The following SPATA6 variants were observed in gnomAD, a reference collection of about 807,000 sequenced individuals.
SPATA6 encodes the protein spermatogenesis-associated protein 6.
A neutral mutation model predicts 65.3 loss-of-function variants in SPATA6; 56 were observed. The ratio of observed to expected loss-of-function variants is 0.86; its 90% CI spans 0.69 to 1.07. SPATA6 has a LOEUF of 1.07. Among genes scored for constraint, SPATA6 ranks in the 50% least tolerant of loss-of-function variants. The pLI, the probability that SPATA6 is intolerant of heterozygous loss-of-function variation, is 0.00. For missense variants in SPATA6, 590 were observed against 594.8 expected, an observed-to-expected ratio of 0.99 and a Z score of 0.08; for synonymous variants, 199 against 213.2, an observed-to-expected ratio of 0.93 and a Z score of 0.58.
intron 11 of SPATA6, among the ~76,000 whole-genome samples, chr1:48,339,449 C>T (rs1045138650): frequency 6.6e-6 from 1 of 151,814 alleles, no homozygotes; most frequent in African/African-American, 2.4e-5. Context: ...AAGCAGATCA[C>T]AAACAGAATC....
chr1:48,375,130 G>A (rs1358447058), intron 9 of SPATA6, among the ~76,000 whole-genome samples: 1 of 151,976 alleles, frequency 6.6e-6, no homozygotes, highest in Non-Finnish European at 1.5e-5. Context: ...CTCTCTTCAG[G>A]GATCTCTCTG....
intron 1 of SPATA6, among the ~76,000 whole-genome samples, chr1:48,470,054 G>C (rs2148213324): frequency 6.6e-6 from 1 of 152,076 alleles, no homozygotes; most frequent in African/African-American, 2.4e-5. Context: ...ATGTTTGTTG[G>C]GGAAAAATAT....
In SPATA6 at chr1:48,462,738, T is replaced by C. The variant is rs375301611; in HGVS notation, c.51+9220A>G. Among the ~76,000 whole-genome samples the C allele has an allele frequency of 5.9e-5, 9 of 152,230 alleles. No homozygotes were observed. In the East Asian group the frequency reaches 1.4e-3, roughly 23 times the overall value. On this transcript the variant is annotated intron_variant, in intron 1 of 12. Transcript: ENST00000371847. ...GACACAAAGGAAATAACAAACATAA[T>C]AACATAGAGACCTTGTTCACTAGCT...
intron 11 of SPATA6, among the ~76,000 whole-genome samples, chr1:48,342,593 G>A (rs984231565): frequency 6.7e-6 from 1 of 149,580 alleles, no homozygotes; most frequent in Admixed American, 6.6e-5. Context: ...TCCAGCCTGG[G>A]TGACAGAGCG....
chr1:48,376,326 C>A (rs1477084219), intron 9 of SPATA6, among the ~76,000 whole-genome samples: 1 of 152,084 alleles, frequency 6.6e-6, no homozygotes, highest in African/African-American at 2.4e-5. Flanking sequence ...TCTCCAAAGC[C>A]TAAACAAGAT....
At chr1:48,333,090 A>C (rs1189380265) in intron 11 of SPATA6, among the ~76,000 whole-genome samples, 5 of 152,174 alleles carry the variant, frequency 3.3e-5, no homozygotes, top group Admixed American at 6.5e-5. Context: ...AGAAGAGATT[A>C]ACATTTGAGT....
In SPATA6 at chr1:48,471,874, T is replaced by A; in HGVS notation, c.51+84A>T. On this transcript the variant is annotated intron_variant, in intron 1 of 12. Transcript: ENST00000371847. ...GGATGATTCGGAGGGTGAAGGAGGT[T>A]TGGGGGTGGTTCCGGGCTCTCGGAG... 18 of 1,478,610 alleles carry A rather than the reference T, an allele frequency of 1.2e-5. No homozygotes were observed. The South Asian group carries it at 2.0e-4, about 16-fold the overall frequency. The allele number at this position is 1,478,610 out of a possible 1,614,324, so 91.6% of individuals were successfully genotyped here. A position where few individuals can be genotyped will look rare whatever the true frequency, so the allele number is the denominator to read the frequency against.
chr1:48,411,786 A>G (rs1652259628), intron 4 of SPATA6, among the ~76,000 whole-genome samples, 198 bp from the exon 5 acceptor site: 1 of 152,216 alleles, frequency 6.6e-6, no homozygotes, highest in Non-Finnish European at 1.5e-5. Flanking sequence ...GAAACATACT[A>G]CAAAAATATG....
the SPATA6 span, among the ~76,000 whole-genome samples, chr1:48,264,332 A>G: frequency 6.6e-6 from 1 of 152,104 alleles, no homozygotes; most frequent in Non-Finnish European, 1.5e-5. Context: ...CTTGATCCCA[A>G]TTTCACCATA....
chr1:48,275,867 T>A, the SPATA6 span, among the ~76,000 whole-genome samples: 1 of 152,068 alleles, frequency 6.6e-6, no homozygotes, highest in African/African-American at 2.4e-5. Context: ...TATGGAGGAG[T>A]CCCTCTTTTT....
chr1:48,385,431 A>G, intron 8 of SPATA6, 82 bp from the exon 9 acceptor site: 1 of 1,228,922 alleles, frequency 8.1e-7, no homozygotes, highest in South Asian at 1.4e-5. Context: ...TTCTACAATT[A>G]TAATTCACTC....
chr1:48,405,828 C>T (rs563568300), intron 5 of SPATA6, among the ~76,000 whole-genome samples: 1 of 152,170 alleles, frequency 6.6e-6, no homozygotes, highest in East Asian at 1.9e-4. Context: ...AGGTTTAAAA[C>T]CACCAGTCTG....
chr1:48,459,428 T>A (rs1249128498), intron 1 of SPATA6, among the ~76,000 whole-genome samples: 5 of 152,122 alleles, frequency 3.3e-5, no homozygotes, highest in Non-Finnish European at 1.5e-5. Context: ...AAGTTTGATT[T>A]ACTAACACAA....
intron 5 of SPATA6, among the ~76,000 whole-genome samples, chr1:48,410,685 T>C (rs1054607950): frequency 7.2e-5 from 11 of 152,192 alleles, no homozygotes; most frequent in Non-Finnish European, 1.0e-4. Context: ...TCATCTTACA[T>C]GGCAGCAGGC....
At chr1:48,458,201 T>C (rs1482826293) in intron 1 of SPATA6, among the ~76,000 whole-genome samples, 1 of 151,716 alleles carries the variant, frequency 6.6e-6, no homozygotes, top group African/African-American at 2.4e-5. Context: ...ATAGACAAAA[T>C]AGTCACAGAA....
intron 11 of SPATA6, among the ~76,000 whole-genome samples, chr1:48,354,079 C>T (rs184652016): frequency 1.4e-3 from 211 of 152,184 alleles, no homozygotes; most frequent in Middle Eastern, 3.4e-3. Context: ...GTGAACACAA[C>T]AGAGGATATC....
chr1:48,266,098 G>A, the SPATA6 span, among the ~76,000 whole-genome samples: 1 of 152,168 alleles, frequency 6.6e-6, no homozygotes, highest in South Asian at 2.1e-4. Context: ...GCAAAGGTGG[G>A]TTAATAAGTA....
chr1:48,412,962 G>A (rs535247790), intron 4 of SPATA6, 148 bp downstream of exon 4: 7 of 236,116 alleles, frequency 3.0e-5, no homozygotes, highest in East Asian at 1.1e-4. Flanking sequence ...TCACTCACAT[G>A]AGTTCCCAAG....
At chr1:48,426,967 C>A (rs1295291098) in intron 3 of SPATA6, among the ~76,000 whole-genome samples, 1 of 151,652 alleles carries the variant, frequency 6.6e-6, no homozygotes, top group Non-Finnish European at 1.5e-5. Flanking sequence ...ACTCTGTAAC[C>A]CAGGCTGGAG....
Sources: allele counts gnomAD v4.1 joint callset (sites outside exome capture counted in the v4.1 genomes callset), GRCh38; gene constraint gnomAD v4.1.1; transcripts MANE v1.5; gene names NCBI Gene and HGNC (gene_info 2026-07-23, HGNC 2026-07-21).